Variants in RASA3 observed in about 807,000 individuals in gnomAD.
RASA3 encodes RAS p21 protein activator 3.
RASA3 carries 73 observed loss-of-function variants against 110.0 expected under a neutral mutation model. The observed-to-expected ratio is 0.66, with a 90% CI of 0.55 to 0.81. RASA3 has a LOEUF of 0.81. RASA3 is among the 30% of genes least tolerant of loss of function. The pLI is 0.00. For synonymous variants in RASA3, 500 were observed against 451.4 expected (o/e 1.11, Z -1.37); for missense variants, 976 against 1,113.2 (o/e 0.88, Z 1.75).
intron 4 of RASA3, among the ~76,000 whole-genome samples, chr13:114,038,995 G>T (rs185675539): frequency 1.3e-5 from 2 of 152,226 alleles, no homozygotes; most frequent in Non-Finnish European, 2.9e-5. Flanking sequence ...TTTACGATGC[G>T]CCAGGTGCCT....
At position 114,028,052 on chromosome 13, in the gene RASA3, CAGGG is replaced by C. The variant is rs1473790071; in HGVS notation, c.450-129_450-126del. The C allele has an allele frequency of 1.1e-5, 8 of 733,580 alleles. No homozygotes were observed. The African/African-American group carries it at 1.4e-4, about 13-fold the overall frequency. 45.4% of individuals were successfully genotyped at this position (733,580 alleles called of 1,614,324 possible). ...GAGATGAGGTTTCCTCACCGGAAGG[CAGGG>C]AGGGCCACACCAGCCATTCTGCCTC... On this transcript the variant is annotated intron_variant, in intron 5 of 23. Coordinates refer to ENST00000334062, the MANE Select transcript of RASA3 (RefSeq NM_007368.4).
rs116224245 is a variant in RASA3 at position 114,125,123 on chromosome 13, C to T, written c.55+7312G>A. ...ATTTTGCTTCTTTTGAATCTTATGC[C>T]GTGGAACTTCCTGCGAGTCATGTGG... On this transcript the variant is annotated intron_variant, in intron 1 of 23. Transcript: ENST00000334062. Among the ~76,000 whole-genome samples, 1,067 of 152,192 alleles carry T rather than the reference C, an allele frequency of 7.0e-3. 7 individuals carry two copies. Among genetic ancestry groups the T allele is most frequent in the African/African-American group, 0.024 (1,010 of 41,492 alleles).
chr13:114,027,783 A>G, intron 6 of RASA3, 64 bp downstream of exon 6: 1 of 1,517,584 alleles, frequency 6.6e-7, no homozygotes, highest in Non-Finnish European at 9.2e-7. Context: ...TGGTCTCGTG[A>G]TTTCAGAGCT....
At chr13:114,002,180 G>C (rs1385341249) in intron 18 of RASA3, among the ~76,000 whole-genome samples, 1 of 152,272 alleles carries the variant, frequency 6.6e-6, no homozygotes, top group Non-Finnish European at 1.5e-5. Context: ...GAGAGACAGA[G>C]TGGGGAGGTG....
chr13:114,099,333 C>T (rs574081070), intron 1 of RASA3, among the ~76,000 whole-genome samples: 225 of 151,946 alleles, frequency 1.5e-3, no homozygotes, highest in Middle Eastern at 3.4e-3. Flanking sequence ...TGGGGACACG[C>T]GGGGCTGCAG....
At chr13:114,117,199 G>A (rs1468773946) in intron 1 of RASA3, among the ~76,000 whole-genome samples, 4 of 100,566 alleles carry the variant, frequency 4.0e-5, no homozygotes, top group Admixed American at 2.1e-4. Context: ...AGGAGAGCAC[G>A]TGTGTGAGGG....
intron 2 of RASA3, among the ~76,000 whole-genome samples, chr13:114,061,832 C>T (rs2079356732): frequency 6.6e-6 from 1 of 152,174 alleles, no homozygotes; most frequent in African/African-American, 2.4e-5. Context: ...TCCACGGAGG[C>T]GGCAGTGGGA....
rs1360522721 is a variant in RASA3 at position 114,112,981 on chromosome 13, C to T, written c.55+19454G>A. 1.3e-5 allele frequency among the ~76,000 whole-genome samples: 2 copies of T among 152,050 alleles called. No individual in the cohort carries two copies. The highest frequency in any genetic ancestry group is 4.8e-5 in the African/African-American group (2 of 41,392). On this transcript the variant is annotated intron_variant, in intron 1 of 23. Transcript: ENST00000334062. The surrounding 1 kb of genome is among the most constrained non-coding windows in gnomAD (Gnocchi z 4.8). Reference sequence around the variant, plus strand: ...AAGGCCTGGGGGCTCAGAGAAAGGCCCAGCCCATCCCAGCAGAGGCCGACC... The same window carrying T: ...AAGGCCTGGGGGCTCAGAGAAAGGCTCAGCCCATCCCAGCAGAGGCCGACC...
At chr13:114,047,917 C>T (rs562685709) in intron 3 of RASA3, among the ~76,000 whole-genome samples, 1 of 152,224 alleles carries the variant, frequency 6.6e-6, no homozygotes, top group Non-Finnish European at 1.5e-5. Flanking sequence ...GGGAACATAT[C>T]TTAGCTGTGC....
At chr13:113,979,493 G>A in intron 23 of RASA3, 71 bp from the exon 24 acceptor site, 2 of 1,257,054 alleles carry the variant, frequency 1.6e-6, no homozygotes, top group South Asian at 1.2e-5. Flanking sequence ...GGCTGCGGGA[G>A]CTTTTCCTGT....
rs2080232927 is a variant in RASA3, at chr13:114,112,534, G to T, written c.55+19901C>A. 6.6e-6 allele frequency among the ~76,000 whole-genome samples: 1 copy of T among 152,204 alleles called. No individual in the cohort carries two copies. Among genetic ancestry groups the T allele is most frequent in the South Asian group, 2.1e-4 (1 of 4,830 alleles). On this transcript the variant is annotated intron_variant, in intron 1 of 23. Coordinates refer to ENST00000334062, the MANE Select transcript of RASA3 (RefSeq NM_007368.4). The surrounding 1 kb of genome is among the most constrained non-coding windows in gnomAD (Gnocchi z 4.8). The stretch of plus-strand genomic sequence containing the variant: ...AGAGATCGCCAGCCCCAGCTCTGTA[G>T]GGGTGCGGCCTGCCTCGAGCACTTC...
chr13:114,064,387 C>T (rs779857488), intron 2 of RASA3, among the ~76,000 whole-genome samples: 6 of 152,186 alleles, frequency 3.9e-5, no homozygotes, highest in African/African-American at 7.2e-5. Context: ...AGCTTTCCCC[C>T]CTATGCTGTT....
At position 114,029,835 on chromosome 13, in the gene RASA3, A is replaced by G; in HGVS notation, c.425T>C (p.Val142Ala). The change falls in exon 5 of 24, where the codon GTC (valine) becomes GCC (alanine). Residue 142 changes from valine to alanine, a missense_variant. Physicochemically the swap from Val to Ala is moderately conservative, Grantham distance 64. Around this residue, in one of 4 missense-constraint regions of RASA3, gnomAD observed 732 missense variants for 779.7 expected, o/e 0.94. Coordinates refer to ENST00000334062, the MANE Select transcript of RASA3 (RefSeq NM_007368.4). ...CCGTGTGGCGAGCTTGTGGCAGACG[A>G]CCCCAGTGTCTGTGATGACCTCGCT... ...RLSEVITDTGVVCHKLATRIV... is the reference protein window; with the variant it reads ...RLSEVITDTGAVCHKLATRIV... 8 of 1,589,184 alleles carry G rather than the reference A, an allele frequency of 5.0e-6. No individual in the cohort carries two copies. The highest frequency in any genetic ancestry group is 6.8e-6 in the Non-Finnish European group (8 of 1,168,552).
intron 3 of RASA3, among the ~76,000 whole-genome samples, chr13:114,043,644 G>C (rs1051996085): frequency 3.3e-5 from 5 of 152,230 alleles, no homozygotes; most frequent in Non-Finnish European, 7.4e-5. Context: ...GGGCAGGCGA[G>C]AGCCAAATCA....
chr13:114,131,444 CT>C (rs2080518242), intron 1 of RASA3, among the ~76,000 whole-genome samples: 1 of 152,176 alleles, frequency 6.6e-6, no homozygotes, highest in African/African-American at 2.4e-5. Context: ...AGGGGGAGGA[CT>C]TCCACATCAC....
At chr13:114,089,600 C>A (rs369027186) in intron 1 of RASA3, among the ~76,000 whole-genome samples, 8 of 152,254 alleles carry the variant, frequency 5.3e-5, no homozygotes, top group African/African-American at 1.9e-4. Context: ...CAGCCCTGCA[C>A]GGACATCAGC....
chr13:114,007,513 C>T lies in RASA3; in HGVS notation c.1742+20G>A, dbSNP rs200609435. On this transcript the variant is annotated intron_variant, in intron 18 of 23. Coordinates refer to ENST00000334062, the MANE Select transcript of RASA3 (RefSeq NM_007368.4). ...CCTTCTCCCCTCCTGCCCTGCCAGACGCCACCTTACCCTCCTTACCCTTCT... is the reference window on the plus strand; with the variant it reads ...CCTTCTCCCCTCCTGCCCTGCCAGATGCCACCTTACCCTCCTTACCCTTCT... The T allele has an allele frequency of 3.4e-5, 54 of 1,578,978 alleles. No homozygotes were observed. The highest frequency in any genetic ancestry group is 6.8e-5 in the African/African-American group (5 of 73,550).
chr13:114,000,752 C>G (rs1373603335), intron 19 of RASA3, 74 bp downstream of exon 19: 25 of 1,139,594 alleles, frequency 2.2e-5, no homozygotes, highest in Admixed American at 6.8e-5. Flanking sequence ...CAGCTCTCCC[C>G]CTGAAAAAGC....
chr13:113,981,730 G>A lies in RASA3; in HGVS notation c.2374C>T (p.Gln792Ter). 6.2e-7 allele frequency: 1 copy of A among 1,614,092 alleles called. No individual in the cohort carries two copies. Among genetic ancestry groups the A allele is most frequent in the Non-Finnish European group, 8.5e-7 (1 of 1,179,996 alleles). Residue 792 changes from glutamine (Q) to a stop codon, truncating the protein, a stop_gained, in exon 23 of 24, where the codon CAG becomes TAG. Coordinates refer to ENST00000334062, the MANE Select transcript of RASA3 (RefSeq NM_007368.4). LOFTEE classifies it high-confidence loss of function. ...QVIAGVGALE[Q>*]EHAQYKRDKF... The stretch of plus-strand genomic sequence containing the variant: ...TCCCTCTTATACTGGGCGTGCTCCT[G>A]CTCCAAAGCCCCAACCCCAGCGATG...
Sources: allele counts gnomAD v4.1 joint callset (sites outside exome capture counted in the v4.1 genomes callset), GRCh38; gene constraint gnomAD v4.1.1; regional missense constraint gnomAD v4.1.1; non-coding constraint Gnocchi (gnomAD v3.1); transcripts MANE v1.5; gene names NCBI Gene and HGNC (gene_info 2026-07-23, HGNC 2026-07-21).